The following TMPRSS15 variants were observed in gnomAD, a reference collection of about 807,000 sequenced individuals.
TMPRSS15 encodes the protein enteropeptidase.
TMPRSS15 carries 128 observed loss-of-function variants against 125.3 expected under a neutral mutation model. The ratio of observed to expected loss-of-function variants is 1.02; its 90% CI spans 0.89 to 1.18. The LOEUF (loss-of-function observed/expected upper bound fraction) is 1.18. Ranked by LOEUF, TMPRSS15 falls within the 50% of genes most tolerant of loss-of-function variation. TMPRSS15 has a pLI of 0.00. For synonymous variants in TMPRSS15, 446 were observed against 423.2 expected (o/e 1.05, Z -0.66); for missense variants, 1,283 against 1,212.7 (o/e 1.06, Z -0.86).
intron 1 of TMPRSS15, among the ~76,000 whole-genome samples, chr21:18,444,424 G>A (rs1181506389): frequency 6.6e-6 from 1 of 152,096 alleles, no homozygotes; most frequent in South Asian, 2.1e-4. Flanking sequence ...ATAAGTGGGA[G>A]TTGGACAATT....
intron 3 of TMPRSS15, among the ~76,000 whole-genome samples, chr21:18,389,765 C>G (rs1287611384): frequency 6.6e-6 from 1 of 152,126 alleles, no homozygotes; most frequent in Non-Finnish European, 1.5e-5. Flanking sequence ...ATTTGACTTT[C>G]CTACCTCTTT....
chr21:18,285,284 A>G (rs1468308717), intron 21 of TMPRSS15, among the ~76,000 whole-genome samples: 7 of 152,188 alleles, frequency 4.6e-5, no homozygotes, highest in Non-Finnish European at 1.0e-4. Flanking sequence ...AAATAACTTC[A>G]CCACTCTAGG....
intron 1 of TMPRSS15, among the ~76,000 whole-genome samples, chr21:18,414,528 C>G (rs1029403015): frequency 6.6e-6 from 1 of 152,160 alleles, no homozygotes; most frequent in South Asian, 2.1e-4. Context: ...CTCTGCAGCC[C>G]TTGGCAATCA....
chr21:18,421,752 T>C (rs1363120194), intron 1 of TMPRSS15, among the ~76,000 whole-genome samples: 1 of 152,182 alleles, frequency 6.6e-6, no homozygotes, highest in Admixed American at 6.5e-5. Flanking sequence ...ATGAATAAGA[T>C]TTTTCTGATA....
intron 7 of TMPRSS15, among the ~76,000 whole-genome samples, chr21:18,361,261 A>C (rs1235337637): frequency 6.6e-6 from 1 of 152,124 alleles, no homozygotes; most frequent in Non-Finnish European, 1.5e-5. Context: ...TCAGAAATGT[A>C]AATAACTCCT....
chr21:18,354,011 G>A, intron 8 of TMPRSS15, 148 bp from the exon 9 acceptor site: 1 of 669,340 alleles, frequency 1.5e-6, no homozygotes, highest in South Asian at 2.0e-5. Flanking sequence ...AAAAGCATTA[G>A]TCTTACATTT....
chr21:18,303,717 C>G (rs772263898), intron 18 of TMPRSS15, among the ~76,000 whole-genome samples: 1 of 152,098 alleles, frequency 6.6e-6, no homozygotes, highest in Admixed American at 6.5e-5. Context: ...CTATACATTA[C>G]AGATAATTTT....
chr21:18,422,872 G>A (rs1004906263), intron 1 of TMPRSS15, among the ~76,000 whole-genome samples: 1 of 152,164 alleles, frequency 6.6e-6, no homozygotes, highest in African/African-American at 2.4e-5. Flanking sequence ...CAGGTGGATG[G>A]GAAATAGCAG....
At chr21:18,478,533 G>A (rs958450279) in intron 1 of TMPRSS15, among the ~76,000 whole-genome samples, 8 of 151,884 alleles carry the variant, frequency 5.3e-5, no homozygotes, top group African/African-American at 1.9e-4. Context: ...CATTTTATGT[G>A]AACTCCAGAC....
chr21:18,389,111 G>C (rs543636326), intron 3 of TMPRSS15, among the ~76,000 whole-genome samples: 1 of 139,400 alleles, frequency 7.2e-6, no homozygotes, highest in African/African-American at 2.7e-5. Flanking sequence ...GAAAAAAAGA[G>C]AAAGAGAAAG....
chr21:18,454,107 C>T (rs562100136), intron 1 of TMPRSS15, among the ~76,000 whole-genome samples: 1 of 152,190 alleles, frequency 6.6e-6, no homozygotes, highest in Admixed American at 6.5e-5. Flanking sequence ...AATTTTACAA[C>T]AATGGAGACA....
At chr21:18,468,749 C>G (rs912648953) in intron 1 of TMPRSS15, among the ~76,000 whole-genome samples, 1 of 152,052 alleles carries the variant, frequency 6.6e-6, no homozygotes, top group East Asian at 1.9e-4. Context: ...TAGCAATAAA[C>G]GAGTAATTGT....
chr21:18,312,644 A>T (rs2075112395), intron 18 of TMPRSS15, among the ~76,000 whole-genome samples: 1 of 151,922 alleles, frequency 6.6e-6, no homozygotes, highest in Non-Finnish European at 1.5e-5. Flanking sequence ...ATATTTCATT[A>T]AAAAATCATC....
intron 1 of TMPRSS15, among the ~76,000 whole-genome samples, chr21:18,465,732 C>A (rs575139437): frequency 1.4e-4 from 21 of 152,190 alleles, no homozygotes; most frequent in Non-Finnish European, 2.2e-4. Flanking sequence ...TCAAGGAGAA[C>A]TACAAACCAC....
intron 6 of TMPRSS15, 95 bp downstream of exon 6, chr21:18,372,098 A>ATGTG (rs56932398): frequency 0.13 from 68,867 of 534,672 alleles, 2,375 homozygotes; most frequent in Admixed American, 0.19. Flanking sequence ...TGAGATTAGA[A>ATGTG]TGTGTGTGTG....
intron 1 of TMPRSS15, among the ~76,000 whole-genome samples, chr21:18,437,324 T>C (rs576281438): frequency 6.6e-6 from 1 of 152,076 alleles, no homozygotes; most frequent in African/African-American, 2.4e-5. Context: ...AAAAATTAAT[T>C]CAAGATGGAT....
intron 18 of TMPRSS15, among the ~76,000 whole-genome samples, chr21:18,305,595 T>A (rs561860250): frequency 2.0e-5 from 3 of 151,956 alleles, no homozygotes; most frequent in Non-Finnish European, 4.4e-5. Context: ...AATCTAAGAG[T>A]CTGAGGCTGA....
chr21:18,435,552 T>C (rs2076225957), intron 1 of TMPRSS15, among the ~76,000 whole-genome samples: 1 of 152,192 alleles, frequency 6.6e-6, no homozygotes, highest in Admixed American at 6.5e-5. Flanking sequence ...ATTGAGGATT[T>C]TTGCATCAAT....
At chr21:18,327,359 CTA>C (rs2075302612) in intron 15 of TMPRSS15, among the ~76,000 whole-genome samples, 1 of 152,104 alleles carries the variant, frequency 6.6e-6, no homozygotes, top group African/African-American at 2.4e-5. Context: ...AATAGAAAAA[CTA>C]TTTAAAATTT....
Sources: allele counts gnomAD v4.1 joint callset (sites outside exome capture counted in the v4.1 genomes callset), GRCh38; gene constraint gnomAD v4.1.1; transcripts MANE v1.5; gene names NCBI Gene and HGNC (gene_info 2026-07-23, HGNC 2026-07-21).